KLRF1: variants seen among roughly 807,000 people sequenced by gnomAD.
KLRF1 encodes the protein killer cell lectin-like receptor subfamily F member 1.
In KLRF1, 27 loss-of-function variants were observed where a neutral mutation model predicts 30.7. That is an observed-to-expected ratio of 0.88 (90% CI 0.65 to 1.21). The LOEUF is 1.21. Ranked by LOEUF, KLRF1 falls within the 50% of genes most tolerant of loss-of-function variation. The pLI is 0.00. For synonymous variants in KLRF1, 92 were observed against 89.3 expected, an observed-to-expected ratio of 1.03 and a Z score of -0.17; for missense variants, 246 against 259.3, an observed-to-expected ratio of 0.95 and a Z score of 0.35.
the KLRF1 span, among the ~76,000 whole-genome samples, chr12:9,807,348 C>T: frequency 1.3e-5 from 2 of 151,746 alleles, no homozygotes; most frequent in Non-Finnish European, 1.5e-5. Flanking sequence ...CTATATTAAC[C>T]TTCTTACTTA....
At chr12:9,809,585 T>C in the KLRF1 span, among the ~76,000 whole-genome samples, 1 of 152,160 alleles carries the variant, frequency 6.6e-6, no homozygotes, top group African/African-American at 2.4e-5. Flanking sequence ...GTCATATTGA[T>C]GTTACGCTTA....
At chr12:9,823,314 G>A (rs1188361925), upstream of KLRF1, among the ~76,000 whole-genome samples, 1 of 148,708 alleles carries the variant, frequency 6.7e-6, no homozygotes, top group African/African-American at 2.5e-5. Context: ...AATAAAAATA[G>A]AAATCAAGAC....
intron 1 of KLRF1, among the ~76,000 whole-genome samples, chr12:9,828,272 G>T (rs1430604636): frequency 6.6e-6 from 1 of 151,830 alleles, no homozygotes. Flanking sequence ...GTAGAGATGG[G>T]GTTTTACCAT....
chr12:9,835,205 T>A (rs1322194663), intron 3 of KLRF1, among the ~76,000 whole-genome samples: 2 of 152,040 alleles, frequency 1.3e-5, no homozygotes, highest in African/African-American at 4.8e-5. Context: ...CATGTACCTG[T>A]CCAATTAGCA....
At chr12:9,838,283 T>C (rs2121226830) in intron 3 of KLRF1, among the ~76,000 whole-genome samples, 1 of 152,224 alleles carries the variant, frequency 6.6e-6, no homozygotes, top group East Asian at 1.9e-4. Flanking sequence ...TCTGACTGAC[T>C]TTTAGACATG....
chr12:9,839,914 T>C (rs1208046381), intron 3 of KLRF1, among the ~76,000 whole-genome samples: 2 of 152,112 alleles, frequency 1.3e-5, no homozygotes. Flanking sequence ...ATTGTAACAA[T>C]ATTCATAATA....
At chr12:9,817,866 C>A in the KLRF1 span, 1 of 191,008 alleles carries the variant, frequency 5.2e-6, no homozygotes, top group South Asian at 1.3e-4. Context: ...CACTAAGATT[C>A]TCACCAAGAT....
intron 1 of KLRF1, 29 bp from the exon 2 acceptor site, chr12:9,832,287 T>C: frequency 8.1e-7 from 1 of 1,240,856 alleles, no homozygotes; most frequent in Non-Finnish European, 1.2e-6. Context: ...CATACTTTTC[T>C]AAACTAATTC....
rs955272987 is a variant in KLRF1 at position 9,844,436 on chromosome 12, A to C, written c.606A>C (p.Pro202=). The change falls in exon 6 of 6, where the codon CCA becomes CCC. Residue 202 remains proline (P), a synonymous_variant. Transcript: ENST00000617889. ...IDSKIFFIKG[P]AKENSCAAIK... is the part of the protein sequence containing the mutation. ...TCCCTAGATTCTTCATAAAGGGACC[A>C]GCTAAAGAAAACAGCTGTGCTGCCA... 2.5e-6 allele frequency: 4 copies of C among 1,599,392 alleles called. No homozygotes were observed. In the African/African-American group the frequency reaches 5.4e-5, roughly 21 times the overall value.
intron 3 of KLRF1, among the ~76,000 whole-genome samples, chr12:9,835,797 GT>G (rs1258819821): frequency 6.6e-6 from 1 of 152,060 alleles, no homozygotes; most frequent in African/African-American, 2.4e-5. Flanking sequence ...AGGAATAGTA[GT>G]TTGTGTTGTG....
chr12:9,823,433 A>G (rs1053683923), upstream of KLRF1, among the ~76,000 whole-genome samples: 1 of 152,172 alleles, frequency 6.6e-6, no homozygotes, highest in Non-Finnish European at 1.5e-5. Context: ...ACATTCTTTG[A>G]AACTCATGAG....
chr12:9,837,329 C>A (rs1363475790), intron 3 of KLRF1, among the ~76,000 whole-genome samples: 1 of 151,438 alleles, frequency 6.6e-6, no homozygotes, highest in Non-Finnish European at 1.5e-5. Context: ...AATATAGATA[C>A]ATATATACTT....
the KLRF1 span, among the ~76,000 whole-genome samples, chr12:9,803,480 G>T: frequency 1.4e-4 from 22 of 151,918 alleles, no homozygotes; most frequent in Non-Finnish European, 7.4e-5. Context: ...CTTTGGTGTT[G>T]TATCTAAAAA....
At position 9,844,500 on chromosome 12, in the gene KLRF1, G is replaced by A. The variant is rs777689507; in HGVS notation, c.670G>A (p.Val224Ile). ...SKIFSETCSS[V>I]FKWICQY ...AATTTTCTCTGAAACCTGCAGCAGT[G>A]TTTTCAAATGGATTTGTCAGTATTA... The change falls in exon 6 of 6, where the codon GTT becomes ATT. Residue 224 changes from valine (V) to isoleucine (I), a missense_variant. By Grantham distance (29) the Val-to-Ile change is conservative (BLOSUM62 3). Transcript: ENST00000617889. The A allele has an allele frequency of 1.4e-5, 22 of 1,604,192 alleles. No individual in the cohort carries two copies. The Admixed American group carries it at 3.5e-4, about 26-fold the overall frequency.
intron 1 of KLRF1, among the ~76,000 whole-genome samples, chr12:9,827,833 T>G (rs56825867): frequency 0.02 from 3,085 of 152,254 alleles, 103 homozygotes; most frequent in African/African-American, 0.07. Flanking sequence ...AACACCAGTT[T>G]CCGGCACTAT....
chr12:9,806,866 A>G, the KLRF1 span, among the ~76,000 whole-genome samples: 1 of 152,022 alleles, frequency 6.6e-6, no homozygotes, highest in Non-Finnish European at 1.5e-5. Context: ...AGCATTTTGT[A>G]GAGACAGGGC....
At chr12:9,840,539 G>T (rs1867677769) in intron 3 of KLRF1, among the ~76,000 whole-genome samples, 1 of 151,844 alleles carries the variant, frequency 6.6e-6, no homozygotes, top group African/African-American at 2.4e-5. Context: ...GAAAATCAAA[G>T]AACTTCATAA....
the KLRF1 span, among the ~76,000 whole-genome samples, chr12:9,818,916 C>T: frequency 1.6e-4 from 24 of 152,164 alleles, no homozygotes; most frequent in East Asian, 5.8e-4. Context: ...CATCCAGTTA[C>T]ACACATTGGG....
chr12:9,803,286 G>A, the KLRF1 span, among the ~76,000 whole-genome samples: 3 of 151,930 alleles, frequency 2.0e-5, no homozygotes, highest in Admixed American at 6.6e-5. Context: ...GGACCTCTTC[G>A]TTGCACCTTA....
Sources: allele counts gnomAD v4.1 joint callset (sites outside exome capture counted in the v4.1 genomes callset), GRCh38; gene constraint gnomAD v4.1.1; transcripts MANE v1.5; gene names NCBI Gene and HGNC (gene_info 2026-07-23, HGNC 2026-07-21).